RAB3GAP1: variants seen among roughly 807,000 people sequenced by gnomAD.
RAB3GAP1 encodes RAB3 GTPase activating protein catalytic subunit 1.
RAB3GAP1 carries 86 observed loss-of-function variants against 130.7 expected under a neutral mutation model. The ratio of observed to expected loss-of-function variants is 0.66; its 90% confidence interval spans 0.55 to 0.79. RAB3GAP1 has a LOEUF of 0.79. RAB3GAP1 is among the 30% of genes least tolerant of loss of function. The probability of loss-of-function intolerance (pLI) is 0.00; values close to 1 mark genes in which losing one functional copy is unlikely to be tolerated. For missense variants in RAB3GAP1, 1,029 were observed against 1,169.4 expected (o/e 0.88, Z 1.75); for synonymous variants, 367 against 401.7 (o/e 0.91, Z 1.03).
intron 8 of RAB3GAP1, among the ~76,000 whole-genome samples, chr2:135,121,698 GAAATA>G (rs1204772027): frequency 6.6e-6 from 1 of 152,082 alleles, no homozygotes; most frequent in Non-Finnish European, 1.5e-5. Flanking sequence ...CTCCTAAAGA[GAAATA>G]AAATAAACTA....
Position 135,167,656 on chromosome 2 carries a change from C to T in RAB3GAP1, c.2710-889C>T, listed in dbSNP as rs536109741. The stretch of plus-strand genomic sequence containing the variant: ...CTATTTAAACCATCTTGCTTGTTTC[C>T]CTTTCATCACTGTTTCTTTTCTTAC... On this transcript the variant is annotated intron_variant, in intron 23 of 23. Coordinates refer to ENST00000264158, the MANE Select transcript of RAB3GAP1 (RefSeq NM_012233.3). The T allele has an allele frequency of 1.0e-4, 147 of 1,464,776 alleles. No homozygotes were observed. In the African/African-American group the frequency reaches 1.9e-3, roughly 19 times the overall value. 90.7% of individuals were successfully genotyped at this position (1,464,776 alleles called of 1,614,324 possible). A position where few individuals can be genotyped will look rare whatever the true frequency, so the allele number is the denominator to read the frequency against.
chr2:135,081,327 A>AAAAAATATATATAT (rs1363481112), intron 3 of RAB3GAP1, among the ~76,000 whole-genome samples: 2 of 64,068 alleles, frequency 3.1e-5, no homozygotes, highest in Admixed American at 2.8e-4. Flanking sequence ...AAAAAAAAAA[A>AAAAAATATATATAT]ATATATATAT....
chr2:135,171,318 G>A (rs748608941), downstream of RAB3GAP1, among the ~76,000 whole-genome samples: 1 of 152,116 alleles, frequency 6.6e-6, no homozygotes, highest in Non-Finnish European at 1.5e-5. Context: ...TCACTGAAGG[G>A]TTTTGTGCAG....
intron 5 of RAB3GAP1, among the ~76,000 whole-genome samples, chr2:135,094,187 C>T (rs922667212): frequency 6.6e-6 from 1 of 152,156 alleles, no homozygotes; most frequent in African/African-American, 2.4e-5. Flanking sequence ...TCCCCAAATC[C>T]CATTTCCCAG....
chr2:135,135,889 C>T lies in RAB3GAP1; in HGVS notation c.1880C>T (p.Thr627Ile). 6.2e-7 allele frequency: 1 copy of T among 1,614,122 alleles called. No homozygotes were observed. The highest frequency in any genetic ancestry group is 2.2e-5 in the East Asian group (1 of 44,888). Residue 627 changes from threonine (T) to isoleucine (I), a missense_variant, in exon 17 of 24, where the codon ACA (threonine) becomes ATA (isoleucine). Thr to Ile is a moderately conservative substitution (Grantham distance 89, BLOSUM62 -1). Transcript: ENST00000264158. ...CGGCTCTATCAGCATGGGAAACTTA[C>T]ACTGCTGCATAATGGAGAACCTCTC... The part of the protein sequence containing the change: ...EGRLYQHGKL[T>I]LLHNGEPLYI...
intron 17 of RAB3GAP1, chr2:135,136,601 T>C: frequency 1.8e-6 from 1 of 554,976 alleles, no homozygotes; most frequent in South Asian, 2.1e-5. Flanking sequence ...CAGTGAATGC[T>C]CAGATGTTTA....
intron 3 of RAB3GAP1, among the ~76,000 whole-genome samples, chr2:135,068,463 A>G (rs899560558): frequency 1.3e-5 from 2 of 152,028 alleles, no homozygotes; most frequent in Non-Finnish European, 2.9e-5. Context: ...CTTAAAAAAA[A>G]AAAAAGAGGC....
intron 5 of RAB3GAP1, among the ~76,000 whole-genome samples, chr2:135,108,335 G>T (rs1031389893): frequency 1.3e-5 from 2 of 152,042 alleles, no homozygotes. Flanking sequence ...AAGTTACTGG[G>T]CTAGAAATTG....
chr2:135,115,833 T>G (rs1188411023), intron 7 of RAB3GAP1, among the ~76,000 whole-genome samples: 1 of 152,204 alleles, frequency 6.6e-6, no homozygotes, highest in Non-Finnish European at 1.5e-5. Context: ...TTAATCTGGC[T>G]TATATCCTAG....
intron 19 of RAB3GAP1, among the ~76,000 whole-genome samples, chr2:135,158,754 A>C (rs2104991323): frequency 6.6e-6 from 1 of 152,308 alleles, no homozygotes; most frequent in East Asian, 1.9e-4. Context: ...ATTGCAAGGA[A>C]AGTGGAGAAA....
chr2:135,128,410 T>C (rs1215402103), intron 11 of RAB3GAP1, among the ~76,000 whole-genome samples: 1 of 152,246 alleles, frequency 6.6e-6, no homozygotes, highest in Non-Finnish European at 1.5e-5. Flanking sequence ...AATGAGATTA[T>C]GTACCTGTAT....
chr2:135,153,176 A>G lies in RAB3GAP1; in HGVS notation c.2062-473A>G, dbSNP rs535614507. On this transcript the variant is annotated intron_variant, in intron 18 of 23. Transcript: ENST00000264158. ...AAAAGAAGAACAGAACTTTTCCATC[A>G]CTGTGTTATTCTGATCATGTGGTGT... 4.6e-5 allele frequency among the ~76,000 whole-genome samples: 7 copies of G among 151,726 alleles called. No individual in the cohort carries two copies. The East Asian group carries it at 1.2e-3, about 25-fold the overall frequency.
downstream of RAB3GAP1, among the ~76,000 whole-genome samples, chr2:135,172,367 G>C (rs1692878331): frequency 6.6e-6 from 1 of 151,896 alleles, no homozygotes; most frequent in African/African-American, 2.4e-5. Flanking sequence ...CCTGGAAGGT[G>C]GAGGTTGCAG....
At chr2:135,110,852 A>G (rs1389323826) in intron 5 of RAB3GAP1, among the ~76,000 whole-genome samples, 1 of 152,212 alleles carries the variant, frequency 6.6e-6, no homozygotes. Flanking sequence ...TAGGGTGGTT[A>G]CGCAGATAAA....
At chr2:135,158,055 A>G (rs550432042) in intron 19 of RAB3GAP1, among the ~76,000 whole-genome samples, 2 of 152,212 alleles carry the variant, frequency 1.3e-5, no homozygotes, top group South Asian at 2.1e-4. Context: ...CGCAGTGGCA[A>G]TGAATTGGAA....
chr2:135,130,282 C>A (rs1691493725), intron 12 of RAB3GAP1, among the ~76,000 whole-genome samples, 195 bp downstream of exon 12: 1 of 152,236 alleles, frequency 6.6e-6, no homozygotes, highest in African/African-American at 2.4e-5. Context: ...TTAATAAGTT[C>A]TTTCCACCAA....
At chr2:135,096,468 C>G (rs1553442303) in intron 5 of RAB3GAP1, among the ~76,000 whole-genome samples, 1 of 151,988 alleles carries the variant, frequency 6.6e-6, no homozygotes, top group Non-Finnish European at 1.5e-5. Context: ...AAAAATTGTT[C>G]ACTTAAACAA....
At chr2:135,095,416 A>C (rs939420337) in intron 5 of RAB3GAP1, among the ~76,000 whole-genome samples, 2 of 152,216 alleles carry the variant, frequency 1.3e-5, no homozygotes, top group African/African-American at 4.8e-5. Context: ...AATGTATTTC[A>C]TAATCCAGGG....
chr2:135,105,227 C>T (rs1418145000), intron 5 of RAB3GAP1, among the ~76,000 whole-genome samples: 1 of 119,974 alleles, frequency 8.3e-6, no homozygotes, highest in African/African-American at 3.1e-5. Flanking sequence ...CCCCTTCCCC[C>T]TCCCGCTCCC....
Sources: gnomAD v4.1 joint callset for allele counts (sites outside exome capture counted in the v4.1 genomes callset) on GRCh38, gnomAD v4.1.1 for gene constraint, MANE v1.5 for transcripts, NCBI Gene and HGNC (gene_info 2026-07-23, HGNC 2026-07-21) for gene names.